Variants in HDHD2 observed in about 807,000 individuals in gnomAD.
HDHD2 encodes haloacid dehalogenase-like hydrolase domain-containing protein 2.
Under a neutral mutation model 24.8 loss-of-function variants are expected in HDHD2, and 26 were observed. The ratio of observed to expected loss-of-function variants is 1.05; its 90% CI spans 0.77 to 1.45. The LOEUF (loss-of-function observed/expected upper bound fraction) is 1.45, where lower values mean the gene tolerates loss of function less well. HDHD2 is among the 40% of genes most tolerant of loss of function. HDHD2 has a pLI of 0.00. For missense variants in HDHD2, 299 were observed against 313.4 expected (o/e 0.95, Z 0.35); for synonymous variants, 128 against 114.9 (o/e 1.11, Z -0.73).
chr18:47,149,400 T>C (rs2063906650), intron 1 of HDHD2, among the ~76,000 whole-genome samples: 1 of 152,162 alleles, frequency 6.6e-6, no homozygotes, highest in Non-Finnish European at 1.5e-5. Flanking sequence ...CTGGAACCAC[T>C]GTAGGCATTC....
intron 3 of HDHD2, 85 bp from the exon 4 acceptor site, chr18:47,130,413 T>C: frequency 3.6e-6 from 3 of 828,914 alleles, no homozygotes; most frequent in Non-Finnish European, 3.9e-6. Flanking sequence ...GTCAATCAAG[T>C]GCAAACTTTT....
At chr18:47,116,016 C>T (rs1184586068) in intron 4 of HDHD2, among the ~76,000 whole-genome samples, 1 of 152,158 alleles carries the variant, frequency 6.6e-6, no homozygotes, top group Non-Finnish European at 1.5e-5. Context: ...AATACTCTCA[C>T]ATCAGACAAA....
chr18:47,139,954 A>C (rs567073595), intron 1 of HDHD2, among the ~76,000 whole-genome samples: 1 of 152,338 alleles, frequency 6.6e-6, no homozygotes, highest in Admixed American at 6.5e-5. Context: ...TTAAGAACAG[A>C]ACTAATGGCA....
Position 47,108,588 on chromosome 18 carries a change from C to A in HDHD2, c.*94G>T. The A allele has an allele frequency of 1.5e-6, 1 of 684,066 alleles. No individual in the cohort carries two copies. The highest frequency in any genetic ancestry group is 2.6e-6 in the Non-Finnish European group (1 of 385,712). The allele number at this position is 684,066 out of a possible 1,614,324, so 42.4% of individuals were successfully genotyped here. A position where few individuals can be genotyped will look rare whatever the true frequency, so the allele number is the denominator to read the frequency against. ...AGGGTTAAAAAGCGATCAGCACTGA[C>A]TGGTGTCTACCGATGCTGGCACTGA... is the stretch of plus-strand genomic sequence containing the variant. On this transcript the variant is annotated 3_prime_UTR_variant, in exon 7 of 7. Transcript: ENST00000300605.
At chr18:47,129,979 G>C (rs962259669) in intron 4 of HDHD2, among the ~76,000 whole-genome samples, 5 of 152,144 alleles carry the variant, frequency 3.3e-5, no homozygotes, top group African/African-American at 1.2e-4. Context: ...GCTGTGGTGA[G>C]CCATGATGAT....
chr18:47,126,440 A>T (rs1165480375), intron 4 of HDHD2, among the ~76,000 whole-genome samples: 1 of 152,198 alleles, frequency 6.6e-6, no homozygotes, highest in Admixed American at 6.5e-5. Flanking sequence ...GCAATCCAAC[A>T]GTCAACAAAG....
chr18:47,123,063 G>C (rs2063622441), intron 4 of HDHD2, among the ~76,000 whole-genome samples: 1 of 152,076 alleles, frequency 6.6e-6, no homozygotes, highest in Admixed American at 6.5e-5. Flanking sequence ...CCCAGACAGT[G>C]TAACATAGCA....
intron 1 of HDHD2, chr18:47,137,392 C>T (rs756991849): frequency 4.0e-5 from 12 of 298,204 alleles, no homozygotes; most frequent in Non-Finnish European, 7.1e-5. Context: ...GATTCCACCA[C>T]ATCCTGATGA....
At position 47,140,315 on chromosome 18, in the gene HDHD2, C is replaced by T. The variant is rs115747623; in HGVS notation, c.-10-3866G>A. Among the ~76,000 whole-genome samples the T allele has an allele frequency of 6.7e-3, 1,027 of 152,304 alleles. 10 individuals are homozygous for T. Among genetic ancestry groups the T allele is most frequent in the East Asian group, 0.025 (132 of 5,188 alleles). ...GATCATTATTATATTGCCATCCTATCCATCAACATACTGTATCTCTCCATT... is the reference window on the plus strand; with the variant it reads ...GATCATTATTATATTGCCATCCTATTCATCAACATACTGTATCTCTCCATT... On this transcript the variant is annotated intron_variant, in intron 1 of 6. Transcript: ENST00000300605.
rs1408932339 is a variant in HDHD2 at position 47,115,244 on chromosome 18, TCTAAA to T, written c.495_499del (p.Leu166ValfsTer28). On this transcript the variant is annotated frameshift_variant, in exon 5 of 7. Coordinates refer to ENST00000300605, the MANE Select transcript of HDHD2 (RefSeq NM_032124.5). LOFTEE classifies it high-confidence loss of function. ...TGTGGCTTTGGTATCTGTGGCATAC[TCTAAA>T]GCAGTCACAAATGGTCCAGGCCCCA... 6.2e-6 allele frequency: 10 copies of T among 1,614,048 alleles called. No homozygotes were observed. Among genetic ancestry groups the T allele is most frequent in the Non-Finnish European group, 8.5e-6 (10 of 1,179,920 alleles).
chr18:47,112,732 G>A (rs2063525259), intron 6 of HDHD2, among the ~76,000 whole-genome samples: 4 of 152,238 alleles, frequency 2.6e-5, no homozygotes, highest in East Asian at 1.9e-4. Context: ...TATAAATGCT[G>A]TCAACCAGGA....
chr18:47,132,099 AG>A (rs2063718767), intron 3 of HDHD2, among the ~76,000 whole-genome samples: 1 of 152,152 alleles, frequency 6.6e-6, no homozygotes, highest in Non-Finnish European at 1.5e-5. Context: ...CATTTTTATT[AG>A]TTTTTCATTT....
Position 47,134,520 on chromosome 18 carries a change from C to A in HDHD2, c.286G>T (p.Asp96Tyr). 10 of 1,614,088 alleles carry A rather than the reference C, an allele frequency of 6.2e-6. No individual in the cohort carries two copies. Among genetic ancestry groups the A allele is most frequent in the Non-Finnish European group, 8.5e-6 (10 of 1,179,946 alleles). Residue 96 changes from aspartate (D) to tyrosine (Y), a missense_variant, in exon 3 of 7, where the codon GAT becomes TAT. By Grantham distance (160) the Asp-to-Tyr change is radical. Transcript: ENST00000300605. ...CCTTTGAAATCAGGTAGTGCCCGAT[C>A]ATCAACTAGCAGCATGGGTCTGACT... Reference protein sequence around the residue: ...KQVRPMLLVDDRALPDFKGIQ... With the variant: ...KQVRPMLLVDYRALPDFKGIQ...
chr18:47,133,011 T>A (rs1231892857), intron 3 of HDHD2, among the ~76,000 whole-genome samples: 1 of 152,186 alleles, frequency 6.6e-6, no homozygotes, highest in Non-Finnish European at 1.5e-5. Flanking sequence ...TTTCCATTAT[T>A]ATACTTTAAG....
rs1000057365 is a variant in HDHD2, at chr18:47,110,224, T to G, written c.677-1439A>C. Reference sequence around the variant, plus strand: ...CCCTCTTTTCCACATCTTTGCATCATGGTGGAGAAGACGCTTCCTGTCTTA... The same window carrying G: ...CCCTCTTTTCCACATCTTTGCATCAGGGTGGAGAAGACGCTTCCTGTCTTA... On this transcript the variant is annotated intron_variant, in intron 6 of 6. Transcript: ENST00000300605. 9.1e-6 allele frequency: 9 copies of G among 985,316 alleles called. No homozygotes were observed. The Admixed American group carries it at 2.5e-4, about 27-fold the overall frequency. 61.0% of individuals were successfully genotyped at this position (985,316 alleles called of 1,614,324 possible).
intron 1 of HDHD2, among the ~76,000 whole-genome samples, chr18:47,142,047 G>A (rs1354519439): frequency 2.0e-5 from 3 of 152,042 alleles, no homozygotes; most frequent in Admixed American, 2.0e-4. Context: ...TTACTCCTTT[G>A]CCTTATGCCA....
intron 1 of HDHD2, among the ~76,000 whole-genome samples, chr18:47,141,370 A>G (rs1425984372): frequency 2.0e-5 from 3 of 152,262 alleles, no homozygotes; most frequent in Non-Finnish European, 4.4e-5. Context: ...CCATCAACAG[A>G]AGGCTAGTTT....
chr18:47,114,622 AGG>A (rs2063542505), intron 5 of HDHD2, among the ~76,000 whole-genome samples: 1 of 152,112 alleles, frequency 6.6e-6, no homozygotes, highest in Admixed American at 6.5e-5. Flanking sequence ...CAATCATCCC[AGG>A]CTCAGCCCTG....
At chr18:47,111,629 T>A in intron 6 of HDHD2, 1 of 985,304 alleles carries the variant, frequency 1.0e-6, no homozygotes, top group Non-Finnish European at 1.2e-6. Flanking sequence ...TTCGAAAAAA[T>A]CCACTGTGTT....
Sources: gnomAD v4.1 joint callset for allele counts (sites outside exome capture counted in the v4.1 genomes callset) on GRCh38, gnomAD v4.1.1 for gene constraint, MANE v1.5 for transcripts, NCBI Gene and HGNC (gene_info 2026-07-23, HGNC 2026-07-21) for gene names.